The following KIF20B variants were observed in gnomAD, a reference collection of about 807,000 sequenced individuals.
KIF20B encodes the protein kinesin family member 20B.
In KIF20B, 188 loss-of-function variants were observed where a neutral mutation model predicts 232.5. That is an observed-to-expected ratio of 0.81 (90% CI 0.72 to 0.91). KIF20B has a LOEUF of 0.91. Among genes scored for constraint, KIF20B ranks in the 40% least tolerant of loss-of-function variants. The pLI is 0.00. For synonymous variants in KIF20B, 712 were observed against 683.0 expected, an observed-to-expected ratio of 1.04 and a Z score of -0.66; for missense variants, 2,154 against 2,055.9, an observed-to-expected ratio of 1.05 and a Z score of -0.92.
intron 23 of KIF20B, among the ~76,000 whole-genome samples, chr10:89,750,465 T>G (rs1841999285): frequency 6.6e-6 from 1 of 152,188 alleles, no homozygotes; most frequent in South Asian, 2.1e-4. Flanking sequence ...TCATACAGTT[T>G]TCTCTTACTG....
At chr10:89,709,293 C>G in intron 3 of KIF20B, 40 bp downstream of exon 3, 1 of 1,585,142 alleles carries the variant, frequency 6.3e-7, no homozygotes, top group Non-Finnish European at 8.6e-7. Flanking sequence ...ATTTTACTTT[C>G]ATTTAAAATG....
intron 31 of KIF20B, among the ~76,000 whole-genome samples, chr10:89,769,257 A>G (rs1302332747): frequency 2.6e-5 from 4 of 151,748 alleles, no homozygotes; most frequent in Admixed American, 6.6e-5. Context: ...GCAGGAGTAC[A>G]CTCTCTAGGG....
intron 29 of KIF20B, among the ~76,000 whole-genome samples, chr10:89,763,199 T>G (rs1842282015): frequency 6.6e-6 from 1 of 152,108 alleles, no homozygotes; most frequent in Non-Finnish European, 1.5e-5. Flanking sequence ...GAGAACAACT[T>G]GAACCCAGGA....
chr10:89,714,937 T>A lies in KIF20B; in HGVS notation c.713-18T>A. ...TGCTTACTTTCGTGATTGTTTTTTC[T>A]TTTTCTTTTTTTTGTAGGAAGTTTA... is the stretch of plus-strand genomic sequence containing the variant. On this transcript the variant is annotated intron_variant, in intron 7 of 32. Transcript: ENST00000371728. 1 of 1,413,828 alleles carries A rather than the reference T, an allele frequency of 7.1e-7. No individual in the cohort carries two copies. The highest frequency in any genetic ancestry group is 2.4e-5 in the East Asian group (1 of 41,602). 87.6% of individuals were successfully genotyped at this position (1,413,828 alleles called of 1,614,324 possible).
intron 26 of KIF20B, among the ~76,000 whole-genome samples, chr10:89,757,038 GTGTATATATA>G (rs1274665052): frequency 2.5e-5 from 2 of 79,074 alleles, no homozygotes; most frequent in African/African-American, 8.2e-5. Flanking sequence ...GTGTGTGTGT[GTGTATATATA>G]TATATATATA....
chr10:89,703,782 C>T (rs72818757), intron 1 of KIF20B, among the ~76,000 whole-genome samples: 26,533 of 140,174 alleles, frequency 0.19, 2,712 homozygotes, highest in Non-Finnish European at 0.24. Flanking sequence ...TTGACGCAGT[C>T]TTGCTCTGTG....
chr10:89,757,036 G>GTATATATATATA (rs1227383713), intron 26 of KIF20B, among the ~76,000 whole-genome samples: 7 of 82,232 alleles, frequency 8.5e-5, no homozygotes, highest in African/African-American at 3.0e-4. Context: ...GTGTGTGTGT[G>GTATATATATATA]TGTGTATATA....
At chr10:89,717,788 GT>G in intron 11 of KIF20B, 66 bp downstream of exon 11, 2 of 1,194,836 alleles carry the variant, frequency 1.7e-6, no homozygotes, top group Non-Finnish European at 2.3e-6. Flanking sequence ...CAACTTTTTT[GT>G]TTTTAGAAAG....
At chr10:89,760,184 C>G (rs969522177) in intron 27 of KIF20B, among the ~76,000 whole-genome samples, 1 of 152,074 alleles carries the variant, frequency 6.6e-6, no homozygotes, top group Non-Finnish European at 1.5e-5. Flanking sequence ...TCTCTATTTC[C>G]TCATCTGGAA....
At chr10:89,708,627 G>T (rs1842776308) in intron 2 of KIF20B, among the ~76,000 whole-genome samples, 1 of 151,962 alleles carries the variant, frequency 6.6e-6, no homozygotes, top group South Asian at 2.1e-4. Context: ...TAGAAATTGG[G>T]TTATTCAGAT....
intron 15 of KIF20B, 56 bp from the exon 16 acceptor site, chr10:89,726,237 A>G (rs1184798922): frequency 2.1e-6 from 3 of 1,447,696 alleles, no homozygotes; most frequent in African/African-American, 2.9e-5. Flanking sequence ...ATGGTACCAC[A>G]TGTAAAGGGT....
rs751433719 is a variant in KIF20B at position 89,766,922 on chromosome 10, A to AT, written c.4990-1360dup. On this transcript the variant is annotated intron_variant, in intron 29 of 32. Coordinates refer to ENST00000371728, the MANE Select transcript of KIF20B (RefSeq NM_001284259.2). Reference sequence around the variant, plus strand: ...CATCTAGTTGGCTTTTTCTTGATCCATTTTTTTTCAACGAAGAAGGAAACA... The same window carrying AT: ...CATCTAGTTGGCTTTTTCTTGATCCATTTTTTTTTCAACGAAGAAGGAAACA... Among the ~76,000 whole-genome samples, 52 of 151,188 alleles carry AT rather than the reference A, an allele frequency of 3.4e-4. No homozygotes were observed. The East Asian group carries it at 8.4e-3, about 24-fold the overall frequency.
intron 31 of KIF20B, among the ~76,000 whole-genome samples, chr10:89,771,565 C>A (rs1842462384): frequency 6.6e-6 from 1 of 152,060 alleles, no homozygotes; most frequent in South Asian, 2.1e-4. Context: ...TAGTCATGCT[C>A]TTACTCATAT....
chr10:89,763,106 A>G (rs995094818), intron 29 of KIF20B, among the ~76,000 whole-genome samples: 1 of 151,980 alleles, frequency 6.6e-6, no homozygotes, highest in Non-Finnish European at 1.5e-5. Flanking sequence ...ACATGGTAAA[A>G]CCCGTCTCTA....
chr10:89,771,851 G>T (rs1842469870), intron 31 of KIF20B, among the ~76,000 whole-genome samples: 1 of 151,920 alleles, frequency 6.6e-6, no homozygotes, highest in Non-Finnish European at 1.5e-5. Flanking sequence ...GGGTGGGTAG[G>T]AGCTGGTGCT....
In KIF20B at chr10:89,762,806, C is replaced by T. The variant is rs376655083; in HGVS notation, c.4960C>T (p.Arg1654Trp). 2.2e-5 allele frequency: 36 copies of T among 1,612,230 alleles called. No homozygotes were observed. Among genetic ancestry groups the T allele is most frequent in the African/African-American group, 1.3e-4 (10 of 74,782 alleles). ...AGTGACAGTTAAGATTCCCAAGGCT[C>T]GGAAGAGGAAGAGTAATGAAATGGA... ...TPVTVKIPKA[R>W]KRKSNEMEED... The change falls in exon 29 of 33, where the codon CGG (arginine) becomes TGG (tryptophan). Residue 1654 changes from arginine to tryptophan, a missense_variant. Coordinates refer to ENST00000371728, the MANE Select transcript of KIF20B (RefSeq NM_001284259.2).
intron 16 of KIF20B, among the ~76,000 whole-genome samples, chr10:89,727,104 G>T (rs1024181587): frequency 2.0e-5 from 3 of 152,014 alleles, no homozygotes; most frequent in African/African-American, 7.2e-5. Context: ...GAGCCGTGCT[G>T]TGCCTGGCCT....
At chr10:89,757,548 C>G (rs530519267) in intron 26 of KIF20B, among the ~76,000 whole-genome samples, 1 of 151,770 alleles carries the variant, frequency 6.6e-6, no homozygotes, top group South Asian at 2.1e-4. Flanking sequence ...ATAATTGTCC[C>G]AATATTTTTC....
In KIF20B at chr10:89,774,146, C is replaced by A. The variant is rs1437894971; in HGVS notation, c.*98C>A. ...TAAATGTATATATTATGCATTAAAT[C>A]ACTCTGCATATAGATTGCTGTTTTA... On this transcript the variant is annotated 3_prime_UTR_variant, in exon 33 of 33. Coordinates refer to ENST00000371728, the MANE Select transcript of KIF20B (RefSeq NM_001284259.2). 2 of 617,980 alleles carry A rather than the reference C, an allele frequency of 3.2e-6. No individual in the cohort carries two copies. The highest frequency in any genetic ancestry group is 5.4e-6 in the Non-Finnish European group (2 of 372,412). 38.3% of individuals were successfully genotyped at this position (617,980 alleles called of 1,614,324 possible). A position where few individuals can be genotyped will look rare whatever the true frequency, so the allele number is the denominator to read the frequency against.
Sources: allele counts gnomAD v4.1 joint callset (sites outside exome capture counted in the v4.1 genomes callset), GRCh38; gene constraint gnomAD v4.1.1; transcripts MANE v1.5; gene names NCBI Gene and HGNC (gene_info 2026-07-23, HGNC 2026-07-21).